Variants in MARCHF11 observed in about 807,000 individuals in gnomAD.
The protein encoded by MARCHF11 is membrane associated ring-CH-type finger 11.
In MARCHF11, 29 loss-of-function variants were observed where a neutral mutation model predicts 37.3. The ratio of observed to expected loss-of-function variants is 0.78; its 90% confidence interval spans 0.58 to 1.06. MARCHF11 has a LOEUF of 1.06. Among genes scored for constraint, MARCHF11 ranks in the 50% least tolerant of loss-of-function variants. The pLI is 0.00. For synonymous variants in MARCHF11, 233 were observed against 228.0 expected (o/e 1.02, Z -0.20); for missense variants, 482 against 533.4 (o/e 0.90, Z 0.95).
chr5:16,074,918 T>C (rs1736492774), intron 3 of MARCHF11, among the ~76,000 whole-genome samples: 1 of 152,194 alleles, frequency 6.6e-6, no homozygotes, highest in African/African-American at 2.4e-5. Context: ...ACTGACACTA[T>C]GTCCCCCTGT....
rs61225598 is a variant in MARCHF11 at position 16,142,884 on chromosome 5, C to CTTT, written c.693+34839_693+34841dup. On this transcript the variant is annotated intron_variant, in intron 2 of 3. Transcript: ENST00000332432. ...CAGGCATGCGCACCACCACACCTGG[C>CTTT]TTTTTTTTTTTTTTTTTTTTTTTTT... is the stretch of plus-strand genomic sequence containing the variant. 1.1e-3 allele frequency among the ~76,000 whole-genome samples: 58 copies of CTTT among 52,212 alleles called. 8 individuals are homozygous for CTTT. Among genetic ancestry groups the CTTT allele is most frequent in the African/African-American group, 5.1e-3 (55 of 10,828 alleles). 34.3% of individuals were successfully genotyped at this position (52,212 alleles called of 152,430 possible). A position where few individuals can be genotyped will look rare whatever the true frequency, so the allele number is the denominator to read the frequency against.
chr5:16,117,155 T>C (rs1480561115), intron 2 of MARCHF11, among the ~76,000 whole-genome samples: 1 of 152,210 alleles, frequency 6.6e-6, no homozygotes, highest in Non-Finnish European at 1.5e-5. Flanking sequence ...GCAGTAGCTC[T>C]ATCTGAGAAG....
intron 2 of MARCHF11, among the ~76,000 whole-genome samples, chr5:16,106,371 T>G (rs1287247349): frequency 6.6e-6 from 1 of 152,230 alleles, no homozygotes; most frequent in Admixed American, 6.5e-5. Context: ...ATTTTCTCCC[T>G]GTAAATCCTG....
intron 2 of MARCHF11, among the ~76,000 whole-genome samples, chr5:16,156,259 T>G (rs1302988555): frequency 6.6e-6 from 1 of 151,922 alleles, no homozygotes; most frequent in Non-Finnish European, 1.5e-5. Flanking sequence ...GACTCTGATG[T>G]GATACAAGAA....
chr5:16,132,415 T>C (rs1295418336), intron 2 of MARCHF11, among the ~76,000 whole-genome samples: 2 of 152,236 alleles, frequency 1.3e-5, no homozygotes, highest in Non-Finnish European at 2.9e-5. Context: ...CTTTTGTCTT[T>C]AGCTTCTTCC....
chr5:16,161,351 T>A (rs1313707180), intron 2 of MARCHF11, among the ~76,000 whole-genome samples: 1 of 151,860 alleles, frequency 6.6e-6, no homozygotes, highest in Non-Finnish European at 1.5e-5. Flanking sequence ...ACAGCACATC[T>A]TATTCCTCAT....
intron 2 of MARCHF11, among the ~76,000 whole-genome samples, chr5:16,145,188 C>CA (rs1188547595): frequency 7.2e-5 from 11 of 152,096 alleles, no homozygotes; most frequent in African/African-American, 2.7e-4. Flanking sequence ...AGAAATCTGC[C>CA]AAACACTACC....
chr5:16,158,632 GAAGA>G (rs1419278336), intron 2 of MARCHF11, among the ~76,000 whole-genome samples: 2 of 151,976 alleles, frequency 1.3e-5, no homozygotes, highest in African/African-American at 4.8e-5. Flanking sequence ...GGGTTAGACA[GAAGA>G]AATAAGCTCA....
At chr5:16,140,723 A>C (rs1404136376) in intron 2 of MARCHF11, among the ~76,000 whole-genome samples, 1 of 152,208 alleles carries the variant, frequency 6.6e-6, no homozygotes, top group African/African-American at 2.4e-5. Flanking sequence ...TATGCAAACA[A>C]AATTGTGCAA....
intron 2 of MARCHF11, among the ~76,000 whole-genome samples, chr5:16,166,603 A>G (rs1738172837): frequency 6.6e-6 from 1 of 152,028 alleles, no homozygotes; most frequent in Non-Finnish European, 1.5e-5. Context: ...TAACATTTAT[A>G]TATATTTCAT....
chr5:16,146,459 A>G (rs1399048256), intron 2 of MARCHF11, among the ~76,000 whole-genome samples: 3 of 152,202 alleles, frequency 2.0e-5, no homozygotes, highest in East Asian at 1.9e-4. Flanking sequence ...GATGATCTCA[A>G]CTCAAAAGTG....
At chr5:16,089,125 G>T (rs1320908316) in intron 3 of MARCHF11, among the ~76,000 whole-genome samples, 11 of 151,846 alleles carry the variant, frequency 7.2e-5, no homozygotes, top group Admixed American at 7.2e-4. Flanking sequence ...TTCCTGACCA[G>T]GAAATGCATG....
intron 3 of MARCHF11, among the ~76,000 whole-genome samples, chr5:16,082,659 G>A (rs1216581195): frequency 6.6e-6 from 1 of 152,184 alleles, no homozygotes; most frequent in Non-Finnish European, 1.5e-5. Context: ...CTGCAGCAGA[G>A]GCGGGTGATA....
intron 2 of MARCHF11, among the ~76,000 whole-genome samples, chr5:16,127,172 C>A (rs543415663): frequency 6.6e-6 from 1 of 152,216 alleles, no homozygotes; most frequent in South Asian, 2.1e-4. Context: ...GTTAAGGAGG[C>A]CAGGCTTACT....
chr5:16,085,939 CAAAAAAAAAAAAAAAAAAAAAAA>C lies in MARCHF11; in HGVS notation c.886+4927_886+4949del, dbSNP rs56782867. Among the ~76,000 whole-genome samples, 40 of 40,954 alleles carry C rather than the reference CAAAAAAAAAAAAAAAAAAAAAAA, an allele frequency of 9.8e-4. 1 individual carries two copies. Among genetic ancestry groups the C allele is most frequent in the Non-Finnish European group, 1.5e-3 (32 of 21,444 alleles). The allele number at this position is 40,954 out of a possible 152,430, so 26.9% of individuals were successfully genotyped here. ...TGGGCGAAAGAGCAAGACTCCATCT[CAAAAAAAAAAAAAAAAAAAAAAA>C]AAAAAAAAAAAAAAATCTTATTACT... On this transcript the variant is annotated intron_variant, in intron 3 of 3. Coordinates refer to ENST00000332432, the MANE Select transcript of MARCHF11 (RefSeq NM_001102562.3).
At chr5:16,133,401 C>T (rs1391538168) in intron 2 of MARCHF11, among the ~76,000 whole-genome samples, 1 of 152,120 alleles carries the variant, frequency 6.6e-6, no homozygotes, top group Non-Finnish European at 1.5e-5. Flanking sequence ...GCCCAAAATG[C>T]AAGAGATCTC....
At chr5:16,072,289 T>C (rs568860937) in intron 3 of MARCHF11, among the ~76,000 whole-genome samples, 2 of 152,294 alleles carry the variant, frequency 1.3e-5, no homozygotes, top group African/African-American at 4.8e-5. Flanking sequence ...TCTCTTGTAA[T>C]CACAGAATAA....
intron 2 of MARCHF11, among the ~76,000 whole-genome samples, chr5:16,139,844 T>C (rs1466583354): frequency 2.0e-5 from 3 of 152,198 alleles, no homozygotes; most frequent in Non-Finnish European, 4.4e-5. Flanking sequence ...CTAATTGATA[T>C]ATAAATGGAA....
chr5:16,085,016 C>T (rs1736672593), intron 3 of MARCHF11, among the ~76,000 whole-genome samples: 1 of 148,044 alleles, frequency 6.8e-6, no homozygotes, highest in Admixed American at 6.6e-5. Flanking sequence ...GTGTGTGCGC[C>T]TATATCTCTT....
Sources: allele counts gnomAD v4.1 joint callset (sites outside exome capture counted in the v4.1 genomes callset), GRCh38; gene constraint gnomAD v4.1.1; transcripts MANE v1.5; gene names NCBI Gene and HGNC (gene_info 2026-07-23, HGNC 2026-07-21).